Variants in GABRB1 observed in about 807,000 individuals in gnomAD.
GABRB1 encodes gamma-aminobutyric acid receptor subunit beta-1.
Under a neutral mutation model 51.6 loss-of-function variants are expected in GABRB1, and 17 were observed. The ratio of observed to expected loss-of-function variants is 0.33; its 90% CI spans 0.23 to 0.49. The LOEUF (loss-of-function observed/expected upper bound fraction) is 0.49, where lower values mean the gene tolerates loss of function less well. Among genes scored for constraint, GABRB1 ranks in the 20% least tolerant of loss-of-function variants. The pLI is 0.99. For synonymous variants in GABRB1, 247 were observed against 218.9 expected (o/e 1.13, Z -1.14); for missense variants, 410 against 600.6 (o/e 0.68, Z 3.32).
chr4:47,050,513 A>AG (rs1726299935), intron 3 of GABRB1, among the ~76,000 whole-genome samples: 1 of 152,242 alleles, frequency 6.6e-6, no homozygotes, highest in East Asian at 1.9e-4. Flanking sequence ...TCAGATGCAA[A>AG]GGGGGAAGTA....
In GABRB1 at chr4:47,133,974, G is replaced by A. The variant is rs560719697; in HGVS notation, c.241-27275G>A. 5.3e-5 allele frequency among the ~76,000 whole-genome samples: 8 copies of A among 152,298 alleles called. No individual in the cohort carries two copies. The South Asian group carries it at 1.7e-3, about 32-fold the overall frequency. On this transcript the variant is annotated intron_variant, in intron 3 of 8. Transcript: ENST00000295454. ...TATTTTACATGTTAAGAAGTAGAAA[G>A]AAAGTTTGGGAAAATACTAATCTTT... is the stretch of plus-strand genomic sequence containing the variant.
intron 4 of GABRB1, among the ~76,000 whole-genome samples, chr4:47,308,066 A>T (rs4499678): frequency 6.6e-6 from 1 of 151,910 alleles, no homozygotes; most frequent in East Asian, 1.9e-4. Context: ...GAGAAATAAT[A>T]CAAAATGTGG....
At chr4:47,411,496 A>G (rs968983570) in intron 8 of GABRB1, among the ~76,000 whole-genome samples, 2 of 152,202 alleles carry the variant, frequency 1.3e-5, no homozygotes, top group African/African-American at 2.4e-5. Flanking sequence ...AGTCAGTGAT[A>G]GTGAGGAAGG....
At chr4:47,125,559 C>CTTTTGTTTTTTTTTT (rs1716085572) in intron 3 of GABRB1, among the ~76,000 whole-genome samples, 1 of 80,696 alleles carries the variant, frequency 1.2e-5, no homozygotes, top group Non-Finnish European at 2.5e-5. Context: ...AGTATAATTT[C>CTTTTGTTTTTTTTTT]TTTTTTTTTT....
intron 3 of GABRB1, among the ~76,000 whole-genome samples, chr4:47,042,726 T>C (rs990321295): frequency 2.0e-5 from 3 of 151,872 alleles, no homozygotes; most frequent in Non-Finnish European, 2.9e-5. Flanking sequence ...AGAATAGTTA[T>C]ATTTTAAAAG....
At chr4:47,391,723 C>G (rs992569527) in intron 5 of GABRB1, among the ~76,000 whole-genome samples, 2 of 152,148 alleles carry the variant, frequency 1.3e-5, no homozygotes, top group Admixed American at 1.3e-4. Context: ...CCAAATAGGT[C>G]CCTCTATCAG....
At chr4:47,079,166 G>A (rs1282303161) in intron 3 of GABRB1, among the ~76,000 whole-genome samples, 1 of 151,872 alleles carries the variant, frequency 6.6e-6, no homozygotes, top group Non-Finnish European at 1.5e-5. Context: ...TCTATTGATT[G>A]GAATAGTTTC....
chr4:47,005,446 T>G (rs1724359955), intron 1 of GABRB1, among the ~76,000 whole-genome samples: 1 of 151,592 alleles, frequency 6.6e-6, no homozygotes, highest in African/African-American at 2.4e-5. Context: ...ACAAAAACTG[T>G]TCTTGGTGAG....
intron 3 of GABRB1, among the ~76,000 whole-genome samples, chr4:47,114,289 G>T (rs779121170): frequency 1.3e-5 from 2 of 152,184 alleles, no homozygotes; most frequent in African/African-American, 2.4e-5. Context: ...CGCAGGGTTT[G>T]AGAACTGATT....
At chr4:47,021,975 T>G (rs1252603975) in intron 1 of GABRB1, among the ~76,000 whole-genome samples, 1 of 152,108 alleles carries the variant, frequency 6.6e-6, no homozygotes, top group East Asian at 1.9e-4. Flanking sequence ...TAGTAAAGAA[T>G]TATGGCTTAT....
At chr4:47,424,463 G>A (rs1306170890) in intron 8 of GABRB1, among the ~76,000 whole-genome samples, 2 of 152,200 alleles carry the variant, frequency 1.3e-5, no homozygotes, top group African/African-American at 2.4e-5. Context: ...GCACCATCAT[G>A]TGCTATCTAT....
chr4:47,281,744 G>A (rs1160356115), intron 4 of GABRB1, among the ~76,000 whole-genome samples: 3 of 152,124 alleles, frequency 2.0e-5, no homozygotes, highest in Non-Finnish European at 4.4e-5. Flanking sequence ...GTAACAAATG[G>A]ATGGAACTAG....
At chr4:47,166,015 C>T (rs1353641783) in intron 4 of GABRB1, among the ~76,000 whole-genome samples, 1 of 152,100 alleles carries the variant, frequency 6.6e-6, no homozygotes, top group Non-Finnish European at 1.5e-5. Flanking sequence ...TTAACATCCT[C>T]ACTATCTGTC....
At chr4:47,040,479 C>A (rs995845500) in intron 3 of GABRB1, among the ~76,000 whole-genome samples, 5 of 152,098 alleles carry the variant, frequency 3.3e-5, no homozygotes, top group African/African-American at 9.7e-5. Flanking sequence ...AGCCCTGCAT[C>A]CCCATCTATG....
intron 4 of GABRB1, among the ~76,000 whole-genome samples, chr4:47,242,492 C>A (rs1393187511): frequency 1.3e-5 from 2 of 152,228 alleles, no homozygotes; most frequent in African/African-American, 4.8e-5. Context: ...AACTAGCTTA[C>A]AGTCCCAGCA....
At chr4:47,216,137 G>A (rs1414399498) in intron 4 of GABRB1, among the ~76,000 whole-genome samples, 1 of 151,916 alleles carries the variant, frequency 6.6e-6, no homozygotes, top group African/African-American at 2.4e-5. Context: ...AACTTACAAC[G>A]TGTCAGATTT....
chr4:47,311,491 T>G (rs747662956), intron 4 of GABRB1, among the ~76,000 whole-genome samples: 1 of 79,218 alleles, frequency 1.3e-5, no homozygotes, highest in African/African-American at 5.8e-5. Flanking sequence ...AGGGTTCTTA[T>G]GAAAGGAAAG....
intron 5 of GABRB1, among the ~76,000 whole-genome samples, chr4:47,323,666 G>A (rs867037262): frequency 6.6e-6 from 1 of 152,170 alleles, no homozygotes; most frequent in Non-Finnish European, 1.5e-5. Flanking sequence ...GACCAACAGA[G>A]TGGAAACTTT....
intron 1 of GABRB1, among the ~76,000 whole-genome samples, chr4:47,025,911 C>T (rs972592295): frequency 4.6e-5 from 7 of 151,580 alleles, no homozygotes. Flanking sequence ...AACTTTAAAA[C>T]TCAAAGCCTT....
Sources: allele counts gnomAD v4.1 joint callset (sites outside exome capture counted in the v4.1 genomes callset), GRCh38; gene constraint gnomAD v4.1.1; transcripts MANE v1.5; gene names NCBI Gene and HGNC (gene_info 2026-07-23, HGNC 2026-07-21).